Variants in ANKRD6 observed in about 807,000 individuals in gnomAD.
ANKRD6 encodes ankyrin repeat domain-containing protein 6.
In ANKRD6, 56 loss-of-function variants were observed where a neutral mutation model predicts 82.3. The ratio of observed to expected loss-of-function variants is 0.68; its 90% CI spans 0.55 to 0.85. The LOEUF is 0.85. Among genes scored for constraint, ANKRD6 ranks in the 40% least tolerant of loss-of-function variants. The pLI is 0.00. For missense variants in ANKRD6, 852 were observed against 907.6 expected (o/e 0.94, Z 0.79); for synonymous variants, 347 against 352.1 (o/e 0.99, Z 0.16).
At chr6:89,453,195 G>C (rs796449230) in intron 1 of ANKRD6, among the ~76,000 whole-genome samples, 1 of 152,148 alleles carries the variant, frequency 6.6e-6, no homozygotes, top group Non-Finnish European at 1.5e-5. Flanking sequence ...AAAAATGATA[G>C]CTCATGCTGA....
At chr6:89,527,601 CAAAAAAAAA>C (rs35855223) in intron 1 of ANKRD6, among the ~76,000 whole-genome samples, 1 of 45,684 alleles carries the variant, frequency 2.2e-5, no homozygotes, top group East Asian at 8.9e-4. Context: ...GACTCCGTCT[CAAAAAAAAA>C]AAAAAAAAAA....
At chr6:89,520,923 G>A (rs527738373) in intron 1 of ANKRD6, among the ~76,000 whole-genome samples, 3 of 152,310 alleles carry the variant, frequency 2.0e-5, no homozygotes, top group Admixed American at 2.0e-4. Flanking sequence ...GGGAGGCCAA[G>A]GCTGCAGTGA....
At chr6:89,544,743 C>CA (rs1020323051) in intron 1 of ANKRD6, among the ~76,000 whole-genome samples, 1 of 151,704 alleles carries the variant, frequency 6.6e-6, no homozygotes, top group Non-Finnish European at 1.5e-5. Flanking sequence ...AAAAAACAAA[C>CA]AAAAAAACCA....
intron 3 of ANKRD6, among the ~76,000 whole-genome samples, chr6:89,598,848 A>T (rs1008519874): frequency 6.6e-6 from 1 of 152,134 alleles, no homozygotes; most frequent in Non-Finnish European, 1.5e-5. Flanking sequence ...TCTAGTGGCT[A>T]TGCTTTACTT....
At position 89,487,154 on chromosome 6, in the gene ANKRD6, G is replaced by A. The variant is rs149153340; in HGVS notation, c.-144+53779G>A. Among the ~76,000 whole-genome samples the A allele has an allele frequency of 5.0e-3, 762 of 152,220 alleles. 2 individuals carry two copies. Among genetic ancestry groups the A allele is most frequent in the African/African-American group, 0.018 (733 of 41,528 alleles). ...GCATTATTTACTCATCTGTATAATGGGGAGAATGTTAATACCAACCACATT... is the reference window on the plus strand; with the variant it reads ...GCATTATTTACTCATCTGTATAATGAGGAGAATGTTAATACCAACCACATT... On this transcript the variant is annotated intron_variant, in intron 1 of 15. Transcript: ENST00000339746.
At chr6:89,629,441 T>G (rs1217707728) in intron 15 of ANKRD6, 14 of 682,764 alleles carry the variant, frequency 2.1e-5, no homozygotes, top group Non-Finnish European at 3.3e-5. Context: ...ATTTATGTGC[T>G]CAAACTTATT....
At chr6:89,573,543 C>T (rs1161418617) in intron 2 of ANKRD6, among the ~76,000 whole-genome samples, 1 of 152,134 alleles carries the variant, frequency 6.6e-6, no homozygotes, top group African/African-American at 2.4e-5. Flanking sequence ...TCACCTCTCC[C>T]CTGTATTAGA....
intron 5 of ANKRD6, among the ~76,000 whole-genome samples, chr6:89,611,154 G>A (rs1485387312): frequency 2.0e-5 from 3 of 149,788 alleles, no homozygotes; most frequent in African/African-American, 4.9e-5. Context: ...CAAACTGGCC[G>A]CATCCAGTAT....
chr6:89,449,870 G>A (rs868276636), intron 1 of ANKRD6, among the ~76,000 whole-genome samples: 9 of 152,124 alleles, frequency 5.9e-5, no homozygotes, highest in Non-Finnish European at 7.3e-5. Flanking sequence ...AATCTATCTC[G>A]GGTGAAGATG....
intron 1 of ANKRD6, among the ~76,000 whole-genome samples, chr6:89,526,358 C>T (rs1456238650): frequency 1.3e-5 from 2 of 152,166 alleles, no homozygotes; most frequent in Admixed American, 6.5e-5. Context: ...TTTGAGCCTT[C>T]CATTCCCTCC....
chr6:89,566,971 T>G lies in ANKRD6; in HGVS notation c.-6T>G. On this transcript the variant is annotated 5_prime_UTR_variant, in exon 2 of 16. Transcript: ENST00000339746. The stretch of plus-strand genomic sequence containing the variant: ...CGCTTCCCTGAAAACCTTTCTTTCC[T>G]AATTCATGAGCCAGCAAGATGCGGT... 6.3e-7 allele frequency: 1 copy of G among 1,579,620 alleles called. No individual in the cohort carries two copies. The highest frequency in any genetic ancestry group is 8.6e-7 in the Non-Finnish European group (1 of 1,161,584).
intron 1 of ANKRD6, among the ~76,000 whole-genome samples, chr6:89,486,437 G>A (rs1373977383): frequency 6.6e-6 from 1 of 152,060 alleles, no homozygotes; most frequent in African/African-American, 2.4e-5. Context: ...ACATTTCTCA[G>A]AATGTATCCA....
chr6:89,496,592 G>A (rs1180666910), intron 1 of ANKRD6, among the ~76,000 whole-genome samples: 4 of 151,986 alleles, frequency 2.6e-5, no homozygotes, highest in African/African-American at 4.8e-5. Context: ...GTGCGATCTC[G>A]GGTCACTGCA....
intron 1 of ANKRD6, among the ~76,000 whole-genome samples, chr6:89,507,188 A>C (rs1043641818): frequency 2.0e-5 from 3 of 152,240 alleles, no homozygotes; most frequent in Non-Finnish European, 4.4e-5. Context: ...TTTGAAGAAA[A>C]TAATGGGTCT....
chr6:89,603,244 T>C (rs1454610058), intron 4 of ANKRD6, 117 bp downstream of exon 4: 1 of 765,554 alleles, frequency 1.3e-6, no homozygotes, highest in Middle Eastern at 2.5e-4. Context: ...ATTCCTGTCT[T>C]ACCACTTATG....
At chr6:89,542,654 C>T (rs1327171927) in intron 1 of ANKRD6, among the ~76,000 whole-genome samples, 1 of 152,192 alleles carries the variant, frequency 6.6e-6, no homozygotes. Flanking sequence ...TGAGTATCTA[C>T]TCTTTGCAAA....
intron 1 of ANKRD6, among the ~76,000 whole-genome samples, chr6:89,558,787 G>A (rs1038297754): frequency 3.0e-5 from 4 of 135,274 alleles, no homozygotes; most frequent in African/African-American, 1.1e-4. Context: ...ACTAATACAA[G>A]ATGTTATTAA....
chr6:89,591,286 G>C (rs951077505), intron 2 of ANKRD6, among the ~76,000 whole-genome samples: 1 of 152,016 alleles, frequency 6.6e-6, no homozygotes, highest in African/African-American at 2.4e-5. Flanking sequence ...GTATTTTTTG[G>C]TAGAGATGAC....
chr6:89,563,338 A>G (rs985160657), intron 1 of ANKRD6, among the ~76,000 whole-genome samples: 2 of 152,198 alleles, frequency 1.3e-5, no homozygotes, highest in Non-Finnish European at 2.9e-5. Flanking sequence ...CTAAATCCCT[A>G]TCTAGATTCA....
Sources: allele counts gnomAD v4.1 joint callset (sites outside exome capture counted in the v4.1 genomes callset), GRCh38; gene constraint gnomAD v4.1.1; transcripts MANE v1.5; gene names NCBI Gene and HGNC (gene_info 2026-07-23, HGNC 2026-07-21).